WNT2: variants seen among roughly 807,000 people sequenced by gnomAD.
The protein encoded by WNT2 is Wnt family member 2, also known as protein Wnt-2.
A neutral mutation model predicts 36.9 loss-of-function variants in WNT2; 12 were observed. The ratio of observed to expected loss-of-function variants is 0.33; its 90% CI spans 0.21 to 0.53. WNT2 has a LOEUF of 0.53. Ranked by LOEUF, WNT2 falls within the 20% of genes least tolerant of loss-of-function variation. The pLI, the probability that WNT2 is intolerant of heterozygous loss-of-function variation, is 0.95. For synonymous variants in WNT2, 163 were observed against 174.6 expected (o/e 0.93, Z 0.52); for missense variants, 379 against 473.1 (o/e 0.80, Z 1.84).
intron 4 of WNT2, among the ~76,000 whole-genome samples, chr7:117,278,833 G>C (rs1381559034): frequency 6.6e-6 from 1 of 152,164 alleles, no homozygotes; most frequent in African/African-American, 2.4e-5. Flanking sequence ...ATTTGTCAGG[G>C]CATGGAGCCC....
intron 4 of WNT2, among the ~76,000 whole-genome samples, chr7:117,281,998 C>A (rs1014736931): frequency 6.6e-6 from 1 of 152,048 alleles, no homozygotes; most frequent in Admixed American, 6.5e-5. Flanking sequence ...GTGATAAAAG[C>A]AAGGGTGGGA....
intron 3 of WNT2, among the ~76,000 whole-genome samples, chr7:117,305,088 G>A (rs1794990621): frequency 1.3e-5 from 2 of 152,138 alleles, no homozygotes; most frequent in Non-Finnish European, 1.5e-5. Context: ...CCTGTGGTAG[G>A]TGAATCTGCC....
intron 4 of WNT2, among the ~76,000 whole-genome samples, chr7:117,294,067 T>G (rs1335085701): frequency 6.6e-6 from 1 of 152,190 alleles, no homozygotes; most frequent in Non-Finnish European, 1.5e-5. Context: ...ACTTTATTTA[T>G]TTTTTATTTT....
intron 4 of WNT2, among the ~76,000 whole-genome samples, chr7:117,290,072 G>A (rs1439714264): frequency 6.6e-6 from 1 of 152,166 alleles, no homozygotes; most frequent in African/African-American, 2.4e-5. Context: ...TTAAGCAGAA[G>A]CAGGTTGATA....
At chr7:117,287,332 G>A (rs571546655) in intron 4 of WNT2, among the ~76,000 whole-genome samples, 41 of 152,226 alleles carry the variant, frequency 2.7e-4, no homozygotes, top group African/African-American at 9.6e-4. Flanking sequence ...GCGACAGAGC[G>A]AGACTGTCTC....
At chr7:117,307,621 C>G (rs1331098021) in intron 3 of WNT2, among the ~76,000 whole-genome samples, 2 of 152,192 alleles carry the variant, frequency 1.3e-5, no homozygotes, top group African/African-American at 4.8e-5. Context: ...CAAACTTCTC[C>G]TAAGGAAGTT....
In WNT2 at chr7:117,297,771, C is replaced by A; in HGVS notation, c.694G>T (p.Asp232Tyr). 6.2e-7 allele frequency: 1 copy of A among 1,614,150 alleles called. No homozygotes were observed. The highest frequency in any genetic ancestry group is 1.1e-5 in the South Asian group (1 of 91,078). The change falls in exon 4 of 5, where the codon GAT (aspartate) becomes TAT (tyrosine). Residue 232 changes from aspartate (D) to tyrosine (Y), a missense_variant. Transcript: ENST00000265441. Reference sequence around the variant, plus strand: ...CCATTGTACTTCCTCCAGAGATAATCGCCCGTTTTCCTGAAGTCGGCCATG... The same window carrying A: ...CCATTGTACTTCCTCCAGAGATAATAGCCCGTTTTCCTGAAGTCGGCCATG... ...LAMADFRKTG[D>Y]YLWRKYNGAI...
intron 3 of WNT2, among the ~76,000 whole-genome samples, chr7:117,311,272 A>G (rs975494160): frequency 4.6e-5 from 7 of 152,218 alleles, no homozygotes; most frequent in Non-Finnish European, 8.8e-5. Context: ...AAGAAAAAAA[A>G]TCATCAGTAA....
At chr7:117,320,050 C>A (rs39314) in intron 2 of WNT2, among the ~76,000 whole-genome samples, 37,889 of 152,100 alleles carry the variant, frequency 0.25, 4,962 homozygotes, top group Non-Finnish European at 0.27. Context: ...CACAGAGGCA[C>A]CAAGGCTGAG....
At chr7:117,296,507 C>T (rs2116352689) in intron 4 of WNT2, among the ~76,000 whole-genome samples, 1 of 152,240 alleles carries the variant, frequency 6.6e-6, no homozygotes, top group Admixed American at 6.5e-5. Flanking sequence ...AAAAATCAGA[C>T]TCTAAGAGGA....
At chr7:117,315,048 T>G (rs1427445207) in intron 3 of WNT2, 23 bp downstream of exon 3, 2 of 1,611,088 alleles carry the variant, frequency 1.2e-6, no homozygotes, top group South Asian at 2.2e-5. Flanking sequence ...GCCTACAAAA[T>G]GAGCACCGTT....
intron 3 of WNT2, among the ~76,000 whole-genome samples, chr7:117,298,749 A>G (rs1326251774): frequency 6.6e-6 from 1 of 152,174 alleles, no homozygotes; most frequent in Non-Finnish European, 1.5e-5. Context: ...GGTGAGAGTT[A>G]TCCTGCCCTG....
intron 3 of WNT2, among the ~76,000 whole-genome samples, chr7:117,306,845 C>A (rs1312695454): frequency 6.6e-6 from 1 of 152,168 alleles, no homozygotes; most frequent in African/African-American, 2.4e-5. Context: ...GACAGCAGGA[C>A]TCTTTTGGTG....
intron 3 of WNT2, among the ~76,000 whole-genome samples, chr7:117,312,636 G>A (rs113766717): frequency 8.8e-4 from 134 of 152,244 alleles, no homozygotes; most frequent in African/African-American, 3.1e-3. Context: ...CTTATTCATA[G>A]TCCTAATTGG....
rs144337728 is a variant in WNT2 at position 117,315,107 on chromosome 7, G to A, written c.552C>T (p.Ala184=). Residue 184 remains alanine, a synonymous_variant, in exon 3 of 5, where the codon GCC becomes GCT. Coordinates refer to ENST00000265441, the MANE Select transcript of WNT2 (RefSeq NM_003391.3). Reference sequence around the variant, plus strand: ...CTCTGTTGTTGTGAAGATTCATCAGGGCTCTGGCATCCTTTCCTTTCCTTT... The same window carrying A: ...CTCTGTTGTTGTGAAGATTCATCAGAGCTCTGGCATCCTTTCCTTTCCTTT... ...AKERKGKDAR[A]LMNLHNNRAG... The A allele has an allele frequency of 2.5e-6, 4 of 1,614,014 alleles. No individual in the cohort carries two copies. The African/African-American group carries it at 5.3e-5, about 22-fold the overall frequency.
intron 3 of WNT2, among the ~76,000 whole-genome samples, chr7:117,308,353 C>T (rs2402180): frequency 0.041 from 6,306 of 152,108 alleles, 188 homozygotes; most frequent in Middle Eastern, 0.092. Flanking sequence ...AGAACATTAC[C>T]GTTGACTAAC....
At chr7:117,302,565 C>T (rs1584688274) in intron 3 of WNT2, among the ~76,000 whole-genome samples, 2 of 152,146 alleles carry the variant, frequency 1.3e-5, no homozygotes, top group African/African-American at 4.8e-5. Context: ...GGTGATTCCA[C>T]TCTGGAAACA....
At chr7:117,279,952 C>T (rs983206898) in intron 4 of WNT2, among the ~76,000 whole-genome samples, 2 of 152,078 alleles carry the variant, frequency 1.3e-5, no homozygotes, top group African/African-American at 2.4e-5. Context: ...CTCTGTTTAT[C>T]ACAGTCCGCT....
chr7:117,309,919 A>G (rs184472785), intron 3 of WNT2, among the ~76,000 whole-genome samples: 126 of 152,268 alleles, frequency 8.3e-4, no homozygotes, highest in Middle Eastern at 3.4e-3. Flanking sequence ...AAATTCAAAG[A>G]GAGGCAAATT....
Sources: gnomAD v4.1 joint callset for allele counts (sites outside exome capture counted in the v4.1 genomes callset) on GRCh38, gnomAD v4.1.1 for gene constraint, MANE v1.5 for transcripts, NCBI Gene and HGNC (gene_info 2026-07-23, HGNC 2026-07-21) for gene names.